Variants in TEX14 observed in about 807,000 individuals in gnomAD.
The protein encoded by TEX14 is testis expressed 14, intercellular bridge forming factor.
TEX14 carries 168 observed loss-of-function variants against 178.6 expected under a neutral mutation model. The observed-to-expected ratio is 0.94, with a 90% CI of 0.83 to 1.07. The LOEUF (loss-of-function observed/expected upper bound fraction) is 1.07. Among genes scored for constraint, TEX14 ranks in the 50% least tolerant of loss-of-function variants. The pLI is 0.00. For missense variants in TEX14, 1,730 were observed against 1,753.6 expected, an observed-to-expected ratio of 0.99 and a Z score of 0.24; for synonymous variants, 626 against 634.1, an observed-to-expected ratio of 0.99 and a Z score of 0.19.
At chr17:58,631,813 A>T (rs558145965) in intron 2 of TEX14, 74 of 152,010 alleles carry the variant, frequency 4.9e-4, no homozygotes, top group African/African-American at 1.7e-3. Context: ...ACACTATAGA[A>T]ATTATCCCTC....
intron 3 of TEX14, 102 bp from the exon 4 acceptor site, chr17:58,623,114 C>A: frequency 1.9e-6 from 2 of 1,030,208 alleles, no homozygotes; most frequent in Non-Finnish European, 1.4e-6. Context: ...TACAAGGCAA[C>A]GTTGGTGACG....
intron 1 of TEX14, among the ~76,000 whole-genome samples, chr17:58,690,004 C>T (rs746316383): frequency 7.9e-5 from 12 of 151,814 alleles, no homozygotes; most frequent in Middle Eastern, 3.4e-3. Flanking sequence ...CGCCCACCAC[C>T]GCACCCAGCT....
chr17:58,611,214 A>G lies in TEX14; in HGVS notation c.1131T>C (p.His377=). 1 of 1,613,992 alleles carries G rather than the reference A, an allele frequency of 6.2e-7. No individual in the cohort carries two copies. The highest frequency in any genetic ancestry group is 8.5e-7 in the Non-Finnish European group (1 of 1,179,914). ...GCCTCGCTTCACCTGGGGAGATGAT[A>G]TGGACAGCATAGGAGCTGAGGGAGC... ...IHRSLSSYAV[H]IISPGEARLT... is the part of the protein sequence containing the mutation. The change falls in exon 10 of 32, where the codon CAT becomes CAC. Residue 377 remains histidine (H), a synonymous_variant. Coordinates refer to ENST00000349033, the MANE Select transcript of TEX14 (RefSeq NM_031272.5).
At chr17:58,581,575 G>C in intron 19 of TEX14, 1 of 1,606,720 alleles carries the variant, frequency 6.2e-7, no homozygotes. Flanking sequence ...ATGGAGAAAG[G>C]TGAAAAGGTA....
intron 15 of TEX14, among the ~76,000 whole-genome samples, chr17:58,591,492 TG>T (rs1158696836): frequency 6.6e-6 from 1 of 152,012 alleles, no homozygotes; most frequent in African/African-American, 2.4e-5. Flanking sequence ...CACTCCAGCC[TG>T]GGGAACAAGG....
At chr17:58,684,747 G>A (rs1390544910) in intron 1 of TEX14, among the ~76,000 whole-genome samples, 1 of 152,054 alleles carries the variant, frequency 6.6e-6, no homozygotes, top group Non-Finnish European at 1.5e-5. Flanking sequence ...GGCAGAGGTG[G>A]GCAGATCACC....
chr17:58,605,198 C>T, intron 10 of TEX14, 69 bp from the exon 11 acceptor site: 1 of 1,515,752 alleles, frequency 6.6e-7, no homozygotes, highest in Non-Finnish European at 8.9e-7. Flanking sequence ...TTCATTCATT[C>T]ATTCTTTCAT....
intron 28 of TEX14, among the ~76,000 whole-genome samples, chr17:58,564,004 C>T (rs1466643715): frequency 6.6e-6 from 1 of 151,744 alleles, no homozygotes; most frequent in East Asian, 1.9e-4. Flanking sequence ...AAAAAAAAGC[C>T]TCCACCCCCA....
chr17:58,682,600 A>G (rs545277824), intron 1 of TEX14, among the ~76,000 whole-genome samples: 4 of 151,884 alleles, frequency 2.6e-5, no homozygotes, highest in East Asian at 1.9e-4. Context: ...ACAAAACAAA[A>G]TGTTGATAAT....
intron 26 of TEX14, among the ~76,000 whole-genome samples, chr17:58,568,452 T>C (rs956685687): frequency 6.6e-6 from 1 of 152,138 alleles, no homozygotes; most frequent in Non-Finnish European, 1.5e-5. Flanking sequence ...GGGGTGCCCC[T>C]CAGGAAATTA....
At chr17:58,678,469 T>C (rs1016739701) in intron 1 of TEX14, among the ~76,000 whole-genome samples, 2 of 152,120 alleles carry the variant, frequency 1.3e-5, no homozygotes, top group South Asian at 2.1e-4. Context: ...ACGTGGCACA[T>C]ATACACCACG....
chr17:58,626,447 G>A (rs1201592223), intron 3 of TEX14, among the ~76,000 whole-genome samples: 2 of 151,762 alleles, frequency 1.3e-5, no homozygotes, highest in Admixed American at 6.6e-5. Flanking sequence ...GCGTGTGCCT[G>A]TAATCCCAGC....
chr17:58,641,346 G>A (rs1008099982), intron 2 of TEX14, among the ~76,000 whole-genome samples: 34 of 151,862 alleles, frequency 2.2e-4, no homozygotes, highest in Admixed American at 2.0e-3. Flanking sequence ...GGAGGAGGAG[G>A]TTGCGATGAG....
chr17:58,616,141 G>C, intron 7 of TEX14, 34 bp downstream of exon 7: 1 of 1,593,868 alleles, frequency 6.3e-7, no homozygotes. Flanking sequence ...CCCTGAAACT[G>C]AATCAGACCT....
At chr17:58,615,105 AAC>A (rs2045841156) in intron 8 of TEX14, 125 bp downstream of exon 8, 5 of 609,478 alleles carry the variant, frequency 8.2e-6, no homozygotes, top group Non-Finnish European at 1.5e-5. Context: ...AATCAATTTC[AAC>A]AGTCAGGAAA....
At chr17:58,646,490 A>G (rs1271161306) in intron 2 of TEX14, among the ~76,000 whole-genome samples, 3 of 151,822 alleles carry the variant, frequency 2.0e-5, no homozygotes, top group Non-Finnish European at 4.4e-5. Context: ...CTGCCTCATC[A>G]ACTCCTTTTC....
rs1410476475 is a variant in TEX14, at chr17:58,616,269, C to T, written c.673G>A (p.Gly225Arg). The change falls in exon 7 of 32, where the codon GGA (glycine) becomes AGA (arginine). Residue 225 changes from glycine (G) to arginine (R), a missense_variant. This residue lies in a region of TEX14 where 789 missense variants were observed against 681.2 expected (regional missense o/e 1.16). Coordinates refer to ENST00000349033, the MANE Select transcript of TEX14 (RefSeq NM_031272.5). ...TTTTCTCCAATGACCGGAAGAGATC[C>T]TAGATAGGCCATCTGTGTCGCCCCA... ...LTGATQMAYL[G>R]SLPVIGEKEV... 6.2e-7 allele frequency: 1 copy of T among 1,613,836 alleles called. No homozygotes were observed. The highest frequency in any genetic ancestry group is 8.5e-7 in the Non-Finnish European group (1 of 1,179,880).
At chr17:58,578,968 A>G (rs974628271) in intron 20 of TEX14, among the ~76,000 whole-genome samples, 1 of 152,230 alleles carries the variant, frequency 6.6e-6, no homozygotes, top group African/African-American at 2.4e-5. Context: ...GGATAACTCT[A>G]CTTTTAAAAT....
At chr17:58,601,205 G>A (rs770261951) in intron 13 of TEX14, among the ~76,000 whole-genome samples, 3 of 151,920 alleles carry the variant, frequency 2.0e-5, no homozygotes, top group Non-Finnish European at 4.4e-5. Flanking sequence ...GGGCAACATC[G>A]TGAGACCTTG....
Sources: allele counts gnomAD v4.1 joint callset (sites outside exome capture counted in the v4.1 genomes callset), GRCh38; gene constraint gnomAD v4.1.1; regional missense constraint gnomAD v4.1.1; transcripts MANE v1.5; gene names NCBI Gene and HGNC (gene_info 2026-07-23, HGNC 2026-07-21).